The following RNF24 variants were observed in gnomAD, a reference collection of about 807,000 sequenced individuals.
RNF24 encodes the protein ring finger protein 24.
RNF24 carries 14 observed loss-of-function variants against 20.0 expected under a neutral mutation model. That is an observed-to-expected ratio of 0.70 (90% CI 0.46 to 1.10). The LOEUF is 1.10. Ranked by LOEUF, RNF24 falls within the 50% of genes least tolerant of loss-of-function variation. RNF24 has a pLI of 0.00. For missense variants in RNF24, 124 were observed against 177.6 expected, an observed-to-expected ratio of 0.70 and a Z score of 1.71; for synonymous variants, 45 against 61.1, an observed-to-expected ratio of 0.74 and a Z score of 1.23.
intron 1 of RNF24, among the ~76,000 whole-genome samples, chr20:3,996,535 G>A (rs992609154): frequency 1.3e-5 from 2 of 152,096 alleles, no homozygotes; most frequent in Non-Finnish European, 2.9e-5. Context: ...CTGTATCAGA[G>A]ACTGATGGTT....
intron 1 of RNF24, among the ~76,000 whole-genome samples, chr20:3,997,087 G>A (rs1344896395): frequency 4.0e-5 from 6 of 151,626 alleles, no homozygotes; most frequent in African/African-American, 7.3e-5. Context: ...TTAGCCAGGC[G>A]TGGTGGTGGG....
chr20:3,969,012 G>A (rs1600669856), intron 1 of RNF24, among the ~76,000 whole-genome samples: 2 of 151,970 alleles, frequency 1.3e-5, no homozygotes, highest in Admixed American at 1.3e-4. Context: ...GTTTAACCAC[G>A]GATTTGTCAG....
At chr20:4,009,411 C>G (rs1207503502) in intron 1 of RNF24, among the ~76,000 whole-genome samples, 2 of 152,076 alleles carry the variant, frequency 1.3e-5, no homozygotes, top group African/African-American at 4.8e-5. Context: ...GGCAAAAATG[C>G]TAAAGCTGTG....
At chr20:3,972,973 C>T (rs906595526) in intron 1 of RNF24, among the ~76,000 whole-genome samples, 1 of 151,550 alleles carries the variant, frequency 6.6e-6, no homozygotes. Flanking sequence ...GAGGCCGAGG[C>T]GGGTGGATCA....
chr20:3,952,869 A>G, intron 2 of RNF24, among the ~76,000 whole-genome samples: 1 of 152,140 alleles, frequency 6.6e-6, no homozygotes, highest in Non-Finnish European at 1.5e-5. Context: ...CTTGGAACAA[A>G]CCTCATTTGG....
intron 1 of RNF24, among the ~76,000 whole-genome samples, chr20:4,013,271 G>A (rs188457114): frequency 7.9e-5 from 12 of 152,202 alleles, no homozygotes; most frequent in Non-Finnish European, 1.5e-5. Context: ...GTTTTAAACA[G>A]AGGGAATATA....
intron 2 of RNF24, among the ~76,000 whole-genome samples, chr20:3,956,551 C>T (rs2091144616): frequency 1.3e-5 from 2 of 151,698 alleles, no homozygotes; most frequent in South Asian, 4.2e-4. Context: ...TCCAAAGAAC[C>T]AGCTTTGGTC....
intron 1 of RNF24, among the ~76,000 whole-genome samples, chr20:3,990,949 C>G (rs1370787732): frequency 1.3e-5 from 2 of 148,570 alleles, no homozygotes; most frequent in African/African-American, 4.9e-5. Context: ...CAAAACAAAA[C>G]AAAAAAACAA....
chr20:3,974,206 G>A, intron 1 of RNF24: 3 of 883,788 alleles, frequency 3.4e-6, no homozygotes, highest in South Asian at 4.9e-5. Flanking sequence ...AATAGAAATG[G>A]AAGAGAACTT....
intron 1 of RNF24, among the ~76,000 whole-genome samples, chr20:3,996,253 C>G (rs1980855839): frequency 6.6e-6 from 1 of 152,200 alleles, no homozygotes; most frequent in South Asian, 2.1e-4. Context: ...ACCATAATAT[C>G]AACTCCAAAA....
At chr20:3,955,441 T>C (rs562421508) in intron 2 of RNF24, among the ~76,000 whole-genome samples, 1 of 152,228 alleles carries the variant, frequency 6.6e-6, no homozygotes, top group African/African-American at 2.4e-5. Context: ...CAATTTGTCA[T>C]AGATGTTTGG....
intron 1 of RNF24, among the ~76,000 whole-genome samples, chr20:3,967,308 C>A (rs1375762171): frequency 3.9e-5 from 6 of 152,120 alleles, no homozygotes; most frequent in African/African-American, 1.4e-4. Flanking sequence ...ACATACAGTA[C>A]ACTGTTGTAG....
At chr20:3,941,229 C>A (rs925355100) in intron 4 of RNF24, among the ~76,000 whole-genome samples, 1 of 152,068 alleles carries the variant, frequency 6.6e-6, no homozygotes, top group Non-Finnish European at 1.5e-5. Flanking sequence ...TGCCATGTTG[C>A]CCAGGCTGGT....
rs145912303 is a variant in RNF24 at position 3,946,094 on chromosome 20, T to C, written c.187-876A>G. ...CTTGTGACTTGTCTAGTTTTATCAG[T>C]CAATTTCACTTAAATGACTGCAAAG... On this transcript the variant is annotated intron_variant, in intron 3 of 5. Transcript: ENST00000358395. Among the ~76,000 whole-genome samples the C allele has an allele frequency of 1.5e-3, 223 of 152,320 alleles. 1 individual carries two copies. Among genetic ancestry groups the C allele is most frequent in the African/African-American group, 5.2e-3 (216 of 41,576 alleles).
intron 2 of RNF24, 59 bp downstream of exon 2, chr20:3,963,816 A>G (rs1377807335): frequency 7.1e-7 from 1 of 1,401,202 alleles, no homozygotes. Context: ...CTGAGGACAG[A>G]AACTTGATTA....
At chr20:3,937,996 A>G (rs1208752320) in intron 4 of RNF24, among the ~76,000 whole-genome samples, 1 of 152,180 alleles carries the variant, frequency 6.6e-6, no homozygotes, top group African/African-American at 2.4e-5. Flanking sequence ...GCTGGGTCAT[A>G]TGGTAACTCT....
chr20:3,976,059 T>C (rs569768911), intron 1 of RNF24, among the ~76,000 whole-genome samples: 1 of 152,164 alleles, frequency 6.6e-6, no homozygotes, highest in African/African-American at 2.4e-5. Flanking sequence ...AGTGTTGGGA[T>C]TACATGTGTG....
At chr20:3,937,333 T>C (rs2146941851) in intron 4 of RNF24, among the ~76,000 whole-genome samples, 1 of 152,314 alleles carries the variant, frequency 6.6e-6, no homozygotes, top group South Asian at 2.1e-4. Context: ...CCAAACTCAT[T>C]TTACAACTTT....
At chr20:3,966,367 T>C (rs2091257952) in intron 1 of RNF24, among the ~76,000 whole-genome samples, 1 of 151,778 alleles carries the variant, frequency 6.6e-6, no homozygotes, top group South Asian at 2.1e-4. Context: ...GATATTCAAA[T>C]GGGATAATCT....
Sources: allele counts gnomAD v4.1 joint callset (sites outside exome capture counted in the v4.1 genomes callset), GRCh38; gene constraint gnomAD v4.1.1; transcripts MANE v1.5; gene names NCBI Gene and HGNC (gene_info 2026-07-23, HGNC 2026-07-21).